Variants in TIAM1 observed in about 807,000 individuals in gnomAD.
TIAM1 encodes rho guanine nucleotide exchange factor TIAM1.
TIAM1 carries 65 observed loss-of-function variants against 163.5 expected under a neutral mutation model. The observed-to-expected ratio is 0.40, with a 90% CI of 0.33 to 0.49. The LOEUF is 0.49. Among genes scored for constraint, TIAM1 ranks in the 20% least tolerant of loss-of-function variants. TIAM1 has a pLI of 0.77. For missense variants in TIAM1, 1,789 were observed against 2,044.7 expected (o/e 0.87, Z 2.41); for synonymous variants, 833 against 810.1 (o/e 1.03, Z -0.48).
intron 2 of TIAM1, among the ~76,000 whole-genome samples, chr21:31,327,347 A>G (rs2075523590): frequency 6.6e-6 from 1 of 152,190 alleles, no homozygotes; most frequent in Admixed American, 6.5e-5. Context: ...CTATAAAGAA[A>G]GAGATCTGTG....
chr21:31,538,905 G>A (rs189400773), intron 1 of TIAM1, among the ~76,000 whole-genome samples: 52 of 152,220 alleles, frequency 3.4e-4, no homozygotes, highest in Middle Eastern at 3.4e-3. Context: ...CTGCACGGCC[G>A]CTCATTCCAG....
At chr21:31,269,111 C>T (rs995343082) in intron 3 of TIAM1, among the ~76,000 whole-genome samples, 2 of 152,232 alleles carry the variant, frequency 1.3e-5, no homozygotes, top group African/African-American at 4.8e-5. Flanking sequence ...TAAATTGACA[C>T]ATATATTTTC....
intron 12 of TIAM1, among the ~76,000 whole-genome samples, chr21:31,199,488 C>A (rs544981139): frequency 3.9e-5 from 6 of 152,186 alleles, no homozygotes; most frequent in African/African-American, 1.4e-4. Flanking sequence ...GGCCACCCTC[C>A]CCCTGCCCAG....
intron 2 of TIAM1, among the ~76,000 whole-genome samples, chr21:31,289,739 A>G (rs2073943762): frequency 1.3e-5 from 2 of 152,230 alleles, no homozygotes; most frequent in African/African-American, 4.8e-5. Context: ...CTCTTTTAAT[A>G]TAAAGGCAAT....
chr21:31,206,490 A>G (rs1351971673), intron 11 of TIAM1, among the ~76,000 whole-genome samples: 1 of 152,204 alleles, frequency 6.6e-6, no homozygotes, highest in Non-Finnish European at 1.5e-5. Context: ...GAAAACTCAA[A>G]AGAAAATTGA....
chr21:31,555,186 C>CTTT (rs545553753), intron 1 of TIAM1, among the ~76,000 whole-genome samples: 1 of 132,662 alleles, frequency 7.5e-6, no homozygotes, highest in African/African-American at 2.7e-5. Flanking sequence ...AGAATTTGTT[C>CTTT]TTTTTTTTTT....
intron 2 of TIAM1, among the ~76,000 whole-genome samples, chr21:31,431,898 C>T (rs1032429297): frequency 2.0e-4 from 31 of 152,138 alleles, no homozygotes; most frequent in Non-Finnish European, 8.8e-5. Flanking sequence ...ATCCCTTAAC[C>T]GAAATGCAAC....
chr21:31,549,434 T>C (rs2048607517), intron 1 of TIAM1, among the ~76,000 whole-genome samples: 1 of 151,894 alleles, frequency 6.6e-6, no homozygotes, highest in African/African-American at 2.4e-5. Flanking sequence ...ATAAGGGACT[T>C]ATAACTAGAA....
chr21:31,205,781 T>G (rs914592946), intron 11 of TIAM1, among the ~76,000 whole-genome samples: 2 of 152,080 alleles, frequency 1.3e-5, no homozygotes, highest in African/African-American at 4.8e-5. Flanking sequence ...CTGGGTAACA[T>G]GGTGAAACCC....
At chr21:31,351,592 G>T (rs2076235123) in intron 2 of TIAM1, among the ~76,000 whole-genome samples, 1 of 152,176 alleles carries the variant, frequency 6.6e-6, no homozygotes, top group South Asian at 2.1e-4. Flanking sequence ...GTCAAACCCG[G>T]ATGGCTGGAG....
At chr21:31,320,180 CA>C (rs1363200749) in intron 2 of TIAM1, among the ~76,000 whole-genome samples, 1 of 152,064 alleles carries the variant, frequency 6.6e-6, no homozygotes, top group Non-Finnish European at 1.5e-5. Context: ...ACACATACTA[CA>C]ACATGAATGA....
intron 1 of TIAM1, among the ~76,000 whole-genome samples, chr21:31,547,511 G>A (rs1216330469): frequency 6.6e-6 from 1 of 152,130 alleles, no homozygotes; most frequent in Non-Finnish European, 1.5e-5. Context: ...AAACTACAGG[G>A]TGAGGATTTT....
chr21:31,252,253 G>A, intron 4 of TIAM1, 64 bp from the exon 5 acceptor site: 2 of 1,526,550 alleles, frequency 1.3e-6, no homozygotes, highest in Non-Finnish European at 1.8e-6. Flanking sequence ...CCAGGGTCAC[G>A]TGGAGAAGAG....
At chr21:31,182,728 AC>A in intron 14 of TIAM1, 83 bp from the exon 15 acceptor site, 1 of 1,396,784 alleles carries the variant, frequency 7.2e-7, no homozygotes, top group Non-Finnish European at 9.7e-7. Context: ...TAAAGGGCAC[AC>A]CTGCTGTGGG....
intron 1 of TIAM1, among the ~76,000 whole-genome samples, chr21:31,341,142 C>G (rs2147096210): frequency 6.6e-6 from 1 of 152,254 alleles, no homozygotes; most frequent in Non-Finnish European, 1.5e-5. Flanking sequence ...CACTAAGTGT[C>G]ACTATTAAAT....
chr21:31,438,179 C>CTTGTTTTTTTTTTTTTTTTTTTTT (rs2044280904), intron 2 of TIAM1, among the ~76,000 whole-genome samples: 1 of 62,686 alleles, frequency 1.6e-5, no homozygotes, highest in African/African-American at 7.0e-5. Flanking sequence ...TATTTGTGAT[C>CTTGTTTTTTTTTTTTTTTTTTTTT]TTTTTTTTTT....
In TIAM1 at chr21:31,261,200, C is replaced by G. The variant is rs186260838; in HGVS notation, c.963+4810G>C. ...TGCTACAGTTATCCTGGCCATCTCT[C>G]TCCGTAATCAGTGTTTTAGGTGACA... On this transcript the variant is annotated intron_variant, in intron 4 of 27. Coordinates refer to ENST00000541036, the MANE Select transcript of TIAM1 (RefSeq NM_001353694.2). Among the ~76,000 whole-genome samples the G allele has an allele frequency of 5.5e-4, 84 of 151,606 alleles. 1 individual carries two copies. Among genetic ancestry groups the G allele is most frequent in the African/African-American group, 2.0e-3 (82 of 41,314 alleles).
intron 2 of TIAM1, among the ~76,000 whole-genome samples, chr21:31,388,249 ACACACACAC>A (rs1255682602): frequency 1.1e-5 from 1 of 88,318 alleles, no homozygotes; most frequent in African/African-American, 4.3e-5. Context: ...ACACACACAC[ACACACACAC>A]AACCTCTTAC....
chr21:31,330,758 GC>G (rs2075652429), intron 2 of TIAM1, among the ~76,000 whole-genome samples: 2 of 152,170 alleles, frequency 1.3e-5, no homozygotes, highest in South Asian at 4.1e-4. Flanking sequence ...AAAGAGAAAT[GC>G]AAAGAATGAC....
Sources: gnomAD v4.1 joint callset for allele counts (sites outside exome capture counted in the v4.1 genomes callset) on GRCh38, gnomAD v4.1.1 for gene constraint, MANE v1.5 for transcripts, NCBI Gene and HGNC (gene_info 2026-07-23, HGNC 2026-07-21) for gene names.